VASH2: variants seen among roughly 807,000 people sequenced by gnomAD.
VASH2 encodes the protein tubulinyl-Tyr carboxypeptidase 2.
In VASH2, 28 loss-of-function variants were observed where a neutral mutation model predicts 37.2. The ratio of observed to expected loss-of-function variants is 0.75; its 90% CI spans 0.56 to 1.03. The LOEUF is 1.03. Ranked by LOEUF, VASH2 falls within the 50% of genes least tolerant of loss-of-function variation. VASH2 has a pLI of 0.00. For missense variants in VASH2, 419 were observed against 459.1 expected, an observed-to-expected ratio of 0.91 and a Z score of 0.80; for synonymous variants, 188 against 174.7, an observed-to-expected ratio of 1.08 and a Z score of -0.60.
chr1:212,988,211 T>C (rs961567322), intron 7 of VASH2, among the ~76,000 whole-genome samples: 3 of 152,212 alleles, frequency 2.0e-5, no homozygotes, highest in African/African-American at 7.2e-5. Context: ...TCAAGAGTAC[T>C]GGGTTTCAAA....
At chr1:212,961,315 C>CCTGGTGGCAAAT in intron 3 of VASH2, 61 bp downstream of exon 3, 1 of 1,611,252 alleles carries the variant, frequency 6.2e-7, no homozygotes, top group Middle Eastern at 1.7e-4. Context: ...TGATCGCAAG[C>CCTGGTGGCAAAT]CTGGTGGCAA....
At chr1:212,956,096 G>T (rs1666480285) in intron 2 of VASH2, among the ~76,000 whole-genome samples, 1 of 152,200 alleles carries the variant, frequency 6.6e-6, no homozygotes, top group Admixed American at 6.5e-5. Flanking sequence ...AGTGCCTGGG[G>T]TTCTTGCTGC....
At position 212,969,397 on chromosome 1, in the gene VASH2, T is replaced by C. The variant is rs528611986; in HGVS notation, c.497+3052T>C. The C allele has an allele frequency of 1.4e-4, 23 of 167,270 alleles. No homozygotes were observed. In the South Asian group the frequency reaches 4.1e-3, roughly 30 times the overall value. 10.4% of individuals were successfully genotyped at this position (167,270 alleles called of 1,614,324 possible). A position where few individuals can be genotyped will look rare whatever the true frequency, so the allele number is the denominator to read the frequency against. ...ATTTTTAGTAGAGACAGGGTTTCAC[T>C]GTGTTAGCCAGGATGGTCTCAATCT... On this transcript the variant is annotated intron_variant, in intron 5 of 7. Transcript: ENST00000517399.
intron 2 of VASH2, among the ~76,000 whole-genome samples, chr1:212,958,606 A>G (rs1666568977): frequency 6.6e-6 from 1 of 152,056 alleles, no homozygotes; most frequent in Non-Finnish European, 1.5e-5. Context: ...GCCTAGGGAC[A>G]CCCCTCTGGG....
Position 212,955,708 on chromosome 1 carries a change from T to C in VASH2, c.276+3890T>C, listed in dbSNP as rs17020052. Among the ~76,000 whole-genome samples, 1,155 of 152,328 alleles carry C rather than the reference T, an allele frequency of 7.6e-3. 14 individuals are homozygous for C. Among genetic ancestry groups the C allele is most frequent in the African/African-American group, 0.026 (1,072 of 41,558 alleles). On this transcript the variant is annotated intron_variant, in intron 2 of 7. Transcript: ENST00000517399. ...GCCTTATTCTCGAGTTGATTCCCAA[T>C]TGGAAAATAATTCACATTTAGAGGA...
rs887139846 is a variant in VASH2, at chr1:212,990,592, T to C, written c.*2008T>C. ...GTACTGTTACATCTAAAATACAGAATGTCAAATGGTTGCATAGCTTGTTTC... is the reference window on the plus strand; with the variant it reads ...GTACTGTTACATCTAAAATACAGAACGTCAAATGGTTGCATAGCTTGTTTC... On this transcript the variant is annotated 3_prime_UTR_variant, in exon 8 of 8. Transcript: ENST00000517399. The C allele has an allele frequency of 2.0e-5, 3 of 152,204 alleles. No individual in the cohort carries two copies. Among genetic ancestry groups the C allele is most frequent in the African/African-American group, 4.8e-5 (2 of 41,450 alleles). 9.4% of individuals were successfully genotyped at this position (152,204 alleles called of 1,614,324 possible). A position where few individuals can be genotyped will look rare whatever the true frequency, so the allele number is the denominator to read the frequency against.
At position 212,990,424 on chromosome 1, in the gene VASH2, ATTTCAT is replaced by A. The variant is rs2075847028; in HGVS notation, c.*1848_*1853del. 6.6e-6 allele frequency: 1 copy of A among 152,188 alleles called. No homozygotes were observed. The highest frequency in any genetic ancestry group is 2.1e-4 in the South Asian group (1 of 4,836). The allele number at this position is 152,188 out of a possible 1,614,324, so 9.4% of individuals were successfully genotyped here. The stretch of plus-strand genomic sequence containing the variant: ...ATTCAGATGTTTGAAATAGTGAATC[ATTTCAT>A]TTTCATTCTAAAACAATACTGACTT... On this transcript the variant is annotated 3_prime_UTR_variant, in exon 8 of 8. Coordinates refer to ENST00000517399, the MANE Select transcript of VASH2 (RefSeq NM_001301056.2).
intron 6 of VASH2, among the ~76,000 whole-genome samples, chr1:212,973,271 A>G (rs979600373): frequency 5.8e-4 from 88 of 152,198 alleles, no homozygotes; most frequent in Non-Finnish European, 1.0e-4. Context: ...TTTGCCTGGA[A>G]CTGCGGGTTT....
intron 7 of VASH2, among the ~76,000 whole-genome samples, chr1:212,982,240 G>A (rs143274210): frequency 1.3e-5 from 2 of 152,328 alleles, no homozygotes; most frequent in Non-Finnish European, 2.9e-5. Context: ...GGGACTGTCT[G>A]TGCATGTGGA....
At chr1:212,958,704 T>TGCA (rs1666572576) in intron 2 of VASH2, among the ~76,000 whole-genome samples, 1 of 152,092 alleles carries the variant, frequency 6.6e-6, no homozygotes, top group African/African-American at 2.4e-5. Context: ...TGCTTTTCTG[T>TGCA]GCAGAAATGT....
chr1:212,953,155 T>C (rs1666373815), intron 2 of VASH2, among the ~76,000 whole-genome samples: 1 of 152,184 alleles, frequency 6.6e-6, no homozygotes, highest in African/African-American at 2.4e-5. Flanking sequence ...CCATGCTGCC[T>C]TTCTTAGTAG....
At chr1:212,983,192 A>G (rs559996915) in intron 7 of VASH2, among the ~76,000 whole-genome samples, 1 of 152,370 alleles carries the variant, frequency 6.6e-6, no homozygotes, top group East Asian at 1.9e-4. Context: ...TCTCTGAGGC[A>G]GGTGTAATGA....
At chr1:212,977,997 G>A (rs930105506) in intron 7 of VASH2, among the ~76,000 whole-genome samples, 6 of 152,188 alleles carry the variant, frequency 3.9e-5, no homozygotes, top group African/African-American at 1.2e-4. Context: ...CTGCTGAGAG[G>A]GGCAGATAAA....
intron 7 of VASH2, among the ~76,000 whole-genome samples, chr1:212,983,346 T>C (rs1667388912): frequency 6.6e-6 from 1 of 152,186 alleles, no homozygotes; most frequent in African/African-American, 2.4e-5. Flanking sequence ...CAAGATCAAG[T>C]GGCTGACATC....
intron 7 of VASH2, among the ~76,000 whole-genome samples, chr1:212,986,447 TGA>T (rs1169750458): frequency 1.3e-5 from 2 of 152,316 alleles, no homozygotes; most frequent in African/African-American, 4.8e-5. Context: ...TCAGGCTTTA[TGA>T]GAGAACCAGA....
chr1:212,967,052 G>A, intron 5 of VASH2: 1 of 1,287,198 alleles, frequency 7.8e-7, no homozygotes, highest in Non-Finnish European at 1.0e-6. Context: ...GCTCGCCAGG[G>A]AAAATTCTAA....
intron 2 of VASH2, among the ~76,000 whole-genome samples, chr1:212,960,835 G>A (rs115216993): frequency 0.024 from 3,631 of 152,312 alleles, 127 homozygotes; most frequent in African/African-American, 0.082. Context: ...CTCGGTGGGG[G>A]GACATGATAG....
chr1:212,966,264 C>T lies in VASH2; in HGVS notation c.423-7C>T. 1 of 1,551,376 alleles carries T rather than the reference C, an allele frequency of 6.4e-7. No individual in the cohort carries two copies. The highest frequency in any genetic ancestry group is 8.7e-7 in the Non-Finnish European group (1 of 1,146,754). On this transcript the variant is annotated splice_region_variant and splice_polypyrimidine_tract_variant and intron_variant, in intron 4 of 7. Coordinates refer to ENST00000517399, the MANE Select transcript of VASH2 (RefSeq NM_001301056.2). ...TCTGAGATCCTCTGCTGTGCTCTAT[C>T]CTACAGGTTAATGGAAACAGCAAAA...
intron 2 of VASH2, among the ~76,000 whole-genome samples, chr1:212,956,866 TA>T (rs1469966228): frequency 6.6e-6 from 1 of 152,204 alleles, no homozygotes; most frequent in African/African-American, 2.4e-5. Flanking sequence ...GAGAGAGAGA[TA>T]TATATATGAT....
Sources: allele counts gnomAD v4.1 joint callset (sites outside exome capture counted in the v4.1 genomes callset), GRCh38; gene constraint gnomAD v4.1.1; transcripts MANE v1.5; gene names NCBI Gene and HGNC (gene_info 2026-07-23, HGNC 2026-07-21).